The following ZNF514 variants were observed in gnomAD, a reference collection of about 807,000 sequenced individuals.
ZNF514 encodes the protein zinc finger protein 514.
Under a neutral mutation model 9.7 loss-of-function variants are expected in ZNF514, and 12 were observed. That is an observed-to-expected ratio of 1.24 (90% confidence interval 0.79 to 2.01). The LOEUF is 2.01. ZNF514 is among the 30% of genes most tolerant of loss of function. The pLI is 0.00. For synonymous variants in ZNF514, 158 were observed against 163.7 expected, an observed-to-expected ratio of 0.97 and a Z score of 0.27; for missense variants, 467 against 465.5, an observed-to-expected ratio of 1.00 and a Z score of -0.03.
At position 95,159,275 on chromosome 2, in the gene ZNF514, A is replaced by AT; in HGVS notation, c.-132_-131insA. On this transcript the variant is annotated 5_prime_UTR_variant, in exon 1 of 5. Coordinates refer to ENST00000295208, the MANE Select transcript of ZNF514 (RefSeq NM_032788.3). ...GCTCCTCCTCAGGACCAGGCTCTGG[A>AT]ACCCAGCTCCCACGTGGATCCACAC... 3.1e-5 allele frequency: 5 copies of AT among 160,660 alleles called. No individual in the cohort carries two copies. The highest frequency in any genetic ancestry group is 1.5e-4 in the South Asian group (1 of 6,618). 10.0% of individuals were successfully genotyped at this position (160,660 alleles called of 1,614,324 possible). A position where few individuals can be genotyped will look rare whatever the true frequency, so the allele number is the denominator to read the frequency against.
chr2:95,156,470 C>T (rs1447505113), intron 2 of ZNF514, among the ~76,000 whole-genome samples: 1 of 152,176 alleles, frequency 6.6e-6, no homozygotes, highest in Non-Finnish European at 1.5e-5. Flanking sequence ...GGGTCCCTTC[C>T]TCACTAACTA....
the ZNF514 span, among the ~76,000 whole-genome samples, chr2:95,133,930 G>A: frequency 2.0e-5 from 3 of 152,114 alleles, no homozygotes; most frequent in South Asian, 6.2e-4. Flanking sequence ...TTTGCAAAGT[G>A]TTACCATTAG....
the ZNF514 span, among the ~76,000 whole-genome samples, chr2:95,125,222 G>T: frequency 1.8e-4 from 26 of 143,686 alleles, no homozygotes; most frequent in African/African-American, 6.4e-4. Context: ...CATAAAAATT[G>T]CCATCCTTTT....
intron 1 of ZNF514, chr2:95,158,898 C>T (rs553294806): frequency 1.6e-6 from 2 of 1,289,824 alleles, no homozygotes; most frequent in South Asian, 2.5e-5. Flanking sequence ...TGGGGTCCTC[C>T]TGATATCGGG....
Position 95,149,611 on chromosome 2 carries a change from C to A in ZNF514, c.874G>T (p.Glu292Ter). 6.2e-7 allele frequency: 1 copy of A among 1,613,992 alleles called. No individual in the cohort carries two copies. The highest frequency in any genetic ancestry group is 8.5e-7 in the Non-Finnish European group (1 of 1,179,996). Residue 292 changes from glutamate to a stop codon, truncating the protein, a stop_gained, in exon 5 of 5, where the codon GAA becomes TAA. Coordinates refer to ENST00000295208, the MANE Select transcript of ZNF514 (RefSeq NM_032788.3). LOFTEE classifies it low-confidence loss of function (END_TRUNC). The stretch of plus-strand genomic sequence containing the variant: ...GTGTGACCAAAGGCTCGTCCACATT[C>A]ATTACATTTGTAGGGTTTCTCTCCA... ...HTGEKPYKCNECGRAFGHTSS... is the reference protein window; with the variant it reads ...HTGEKPYKCN
intron 1 of ZNF514, among the ~76,000 whole-genome samples, chr2:95,157,896 G>A (rs1673730383): frequency 6.6e-6 from 1 of 152,172 alleles, no homozygotes; most frequent in African/African-American, 2.4e-5. Flanking sequence ...TCATCCTTGG[G>A]AACCCAGCTC....
At chr2:95,132,982 G>A in the ZNF514 span, among the ~76,000 whole-genome samples, 1 of 151,676 alleles carries the variant, frequency 6.6e-6, no homozygotes, top group Non-Finnish European at 1.5e-5. Flanking sequence ...TAAAAAACCT[G>A]TTTATGAATG....
the ZNF514 span, among the ~76,000 whole-genome samples, chr2:95,128,515 C>G: frequency 1.3e-5 from 2 of 151,972 alleles, no homozygotes; most frequent in Non-Finnish European, 2.9e-5. Context: ...AAGATCGAAC[C>G]ACTGCACTCC....
At chr2:95,138,721 A>G in the ZNF514 span, among the ~76,000 whole-genome samples, 1 of 152,220 alleles carries the variant, frequency 6.6e-6, no homozygotes, top group Admixed American at 6.5e-5. Context: ...CAGAGAAAGA[A>G]AAAGCTTTAC....
intron 1 of ZNF514, 47 bp downstream of exon 1, chr2:95,159,174 GTGCGCCCAGCGCGGCGCAC>G (rs1673769901): frequency 2.6e-6 from 1 of 380,836 alleles, no homozygotes; most frequent in Non-Finnish European, 4.1e-6. Flanking sequence ...GCAAACCCCG[GTGCGCCCAGCGCGGCGCAC>G]TGCTGCCCGG....
chr2:95,138,456 A>T, the ZNF514 span, among the ~76,000 whole-genome samples: 1 of 152,216 alleles, frequency 6.6e-6, no homozygotes, highest in Non-Finnish European at 1.5e-5. Flanking sequence ...AAGGTCACCC[A>T]TTATGCCTTA....
At position 95,149,451 on chromosome 2, in the gene ZNF514, T is replaced by C. The variant is rs1673459292; in HGVS notation, c.1034A>G (p.Lys345Arg). The change falls in exon 5 of 5, where the codon AAA becomes AGA. Residue 345 changes from lysine to arginine, a missense_variant. Physicochemically the swap from Lys to Arg is conservative, Grantham distance 26. Coordinates refer to ENST00000295208, the MANE Select transcript of ZNF514 (RefSeq NM_032788.3). Reference protein sequence around the residue: ...YRFHTGEKPYKCNKCGRAFSQ... With the variant: ...YRFHTGEKPYRCNKCGRAFSQ... ...GAAGGCTCTCCCACATTTATTACATTTGTAAGGTTTCTCTCCAGTATGAAA... is the reference window on the plus strand; with the variant it reads ...GAAGGCTCTCCCACATTTATTACATCTGTAAGGTTTCTCTCCAGTATGAAA... The C allele has an allele frequency of 6.2e-7, 1 of 1,613,662 alleles. No homozygotes were observed. Among genetic ancestry groups the C allele is most frequent in the African/African-American group, 1.3e-5 (1 of 74,776 alleles).
chr2:95,127,932 T>G, the ZNF514 span, among the ~76,000 whole-genome samples: 1 of 152,118 alleles, frequency 6.6e-6, no homozygotes, highest in African/African-American at 2.4e-5. Context: ...TGATGGTAGC[T>G]GTTCCCTCTA....
downstream of ZNF514, among the ~76,000 whole-genome samples, chr2:95,142,042 C>A (rs903669436): frequency 2.6e-5 from 4 of 152,120 alleles, no homozygotes; most frequent in African/African-American, 9.7e-5. Flanking sequence ...TTTCTATAGA[C>A]CCCTGGTTGT....
chr2:95,150,364 A>G, intron 4 of ZNF514, 97 bp from the exon 5 acceptor site: 2 of 1,344,666 alleles, frequency 1.5e-6, no homozygotes, highest in East Asian at 2.4e-5. Context: ...TGAAATAATT[A>G]AGCTTTAAAA....
intron 2 of ZNF514, chr2:95,154,961 C>T (rs2104473576): frequency 6.6e-6 from 1 of 152,200 alleles, no homozygotes; most frequent in East Asian, 1.9e-4. Flanking sequence ...CCAAATTGTT[C>T]AGAGTGAAAA....
the ZNF514 span, among the ~76,000 whole-genome samples, chr2:95,125,010 T>C: frequency 6.6e-6 from 1 of 151,370 alleles, no homozygotes; most frequent in East Asian, 2.0e-4. Context: ...CCCTCCTGAG[T>C]AGCTAGGTAG....
chr2:95,124,729 T>C, the ZNF514 span, among the ~76,000 whole-genome samples: 1 of 152,010 alleles, frequency 6.6e-6, no homozygotes, highest in Non-Finnish European at 1.5e-5. Context: ...CTCAAACTCC[T>C]GGCCTTTAAG....
the ZNF514 span, among the ~76,000 whole-genome samples, chr2:95,125,394 C>T: frequency 2.7e-4 from 41 of 152,236 alleles, no homozygotes; most frequent in South Asian, 8.1e-3. Flanking sequence ...GCGCCCACCA[C>T]CATGCCCAGC....
Sources: allele counts gnomAD v4.1 joint callset (sites outside exome capture counted in the v4.1 genomes callset), GRCh38; gene constraint gnomAD v4.1.1; transcripts MANE v1.5; gene names NCBI Gene and HGNC (gene_info 2026-07-23, HGNC 2026-07-21).